Variants in MERTK observed in about 807,000 individuals in gnomAD.
The protein encoded by MERTK is MER proto-oncogene, tyrosine kinase.
Under a neutral mutation model 99.3 loss-of-function variants are expected in MERTK, and 69 were observed. That is an observed-to-expected ratio of 0.70 (90% CI 0.57 to 0.85). The LOEUF (loss-of-function observed/expected upper bound fraction) is 0.85. MERTK is among the 40% of genes least tolerant of loss of function. The pLI is 0.00. For missense variants in MERTK, 1,125 were observed against 1,249.4 expected (o/e 0.90, Z 1.50); for synonymous variants, 426 against 467.6 (o/e 0.91, Z 1.15).
chr2:111,908,858 G>C (rs546540517), intron 1 of MERTK, among the ~76,000 whole-genome samples: 20 of 152,238 alleles, frequency 1.3e-4, no homozygotes, highest in African/African-American at 4.8e-4. Flanking sequence ...AAGGGAAAAG[G>C]ACAAAAAGTC....
At chr2:112,021,315 T>C in intron 16 of MERTK, 107 bp from the exon 17 acceptor site, 2 of 1,513,030 alleles carry the variant, frequency 1.3e-6, no homozygotes, top group Non-Finnish European at 1.8e-6. Context: ...GGTGTCTCTG[T>C]GTTCTTTTGG....
rs1685113821 is a variant in MERTK at position 111,954,524 on chromosome 2, CT to C, written c.757+6958del. On this transcript the variant is annotated intron_variant, in intron 4 of 18. Coordinates refer to ENST00000295408, the MANE Select transcript of MERTK (RefSeq NM_006343.3). ...CAGCACAGTGCCTGGCACATAAGAA[CT>C]ATGTGAATGAATGAATGAACTAATG... Among the ~76,000 whole-genome samples the C allele has an allele frequency of 2.0e-5, 3 of 152,182 alleles. No homozygotes were observed. The South Asian group carries it at 6.2e-4, about 32-fold the overall frequency.
intron 7 of MERTK, among the ~76,000 whole-genome samples, chr2:111,981,905 T>C (rs4848918): frequency 0.62 from 93,974 of 151,940 alleles, 29,444 homozygotes; most frequent in Middle Eastern, 0.69. Context: ...GATCTCTAGC[T>C]GGCCATGTTA....
chr2:112,029,400 C>CCCAACT lies in MERTK; in HGVS notation c.*536_*537insCCAACT. On this transcript the variant is annotated 3_prime_UTR_variant, in exon 19 of 19. Coordinates refer to ENST00000295408, the MANE Select transcript of MERTK (RefSeq NM_006343.3). ...TTGAACTTACTTGAGACTTGAAAGA[C>CCCAACT]AGTGGTCGGCAGCGGCCTTGTGGCC... is the stretch of plus-strand genomic sequence containing the variant. The CCCAACT allele has an allele frequency of 1.1e-6, 1 of 903,398 alleles. No individual in the cohort carries two copies. Among genetic ancestry groups the CCCAACT allele is most frequent in the Admixed American group, 6.1e-5 (1 of 16,400 alleles). The allele number at this position is 903,398 out of a possible 1,614,324, so 56.0% of individuals were successfully genotyped here. A position where few individuals can be genotyped will look rare whatever the true frequency, so the allele number is the denominator to read the frequency against.
intron 1 of MERTK, among the ~76,000 whole-genome samples, chr2:111,904,335 T>G (rs1014490519): frequency 6.6e-6 from 1 of 152,090 alleles, no homozygotes; most frequent in African/African-American, 2.4e-5. Flanking sequence ...ATTTTTTGTG[T>G]TTGTTTTGTT....
At chr2:111,940,738 TTG>T (rs952416511) in intron 2 of MERTK, 2 of 872,210 alleles carry the variant, frequency 2.3e-6, no homozygotes, top group Admixed American at 3.5e-5. Context: ...TACTAAGTCC[TTG>T]TATTTTTCAG....
intron 14 of MERTK, chr2:112,008,734 T>C (rs777751070): frequency 1.1e-4 from 58 of 552,132 alleles, no homozygotes; most frequent in Non-Finnish European, 1.8e-4. Context: ...AGAGTGTGAA[T>C]TAAATTGTCC....
intron 1 of MERTK, among the ~76,000 whole-genome samples, chr2:111,916,142 G>T (rs757829277): frequency 1.3e-5 from 2 of 151,860 alleles, no homozygotes; most frequent in Non-Finnish European, 2.9e-5. Flanking sequence ...TTGAAACAGG[G>T]TCTCATTCTG....
intron 1 of MERTK, among the ~76,000 whole-genome samples, chr2:111,903,573 G>A (rs13006203): frequency 0.23 from 35,018 of 152,226 alleles, 4,347 homozygotes; most frequent in Middle Eastern, 0.37. Flanking sequence ...GGCCCTTGCC[G>A]TTAGTTTAAT....
chr2:111,911,786 T>A (rs1299613584), intron 1 of MERTK, among the ~76,000 whole-genome samples: 1 of 141,536 alleles, frequency 7.1e-6, no homozygotes, highest in Non-Finnish European at 1.5e-5. Context: ...ACTCCTGGGC[T>A]CAAGTGATCC....
chr2:112,020,880 AGATCAGAGC>A (rs1485349440), intron 16 of MERTK, among the ~76,000 whole-genome samples: 3 of 152,044 alleles, frequency 2.0e-5, no homozygotes, highest in Non-Finnish European at 4.4e-5. Context: ...CATCCCACAC[AGATCAGAGC>A]GATGCAAGAC....
At position 111,905,433 on chromosome 2, in the gene MERTK, C is replaced by CTTTTTT. The variant is rs61232340; in HGVS notation, c.61+6655_61+6660dup. ...ATTTCATTGAGAAACCTACACTGTT[C>CTTTTTT]TTTTTTTTTTTTTTTTTTTTTTTGA... On this transcript the variant is annotated intron_variant, in intron 1 of 18. Transcript: ENST00000295408. 5.0e-3 allele frequency among the ~76,000 whole-genome samples: 422 copies of CTTTTTT among 85,188 alleles called. 5 individuals carry two copies. Among genetic ancestry groups the CTTTTTT allele is most frequent in the Middle Eastern group, 0.016 (1 of 64 alleles). The allele number at this position is 85,188 out of a possible 152,430, so 55.9% of individuals were successfully genotyped here.
chr2:111,938,602 G>T (rs1684805614), intron 2 of MERTK, among the ~76,000 whole-genome samples: 1 of 152,166 alleles, frequency 6.6e-6, no homozygotes. Context: ...ATGGGTTTCT[G>T]CAGCTGCTGG....
intron 4 of MERTK, among the ~76,000 whole-genome samples, chr2:111,950,548 G>A (rs1053020477): frequency 3.9e-5 from 6 of 152,186 alleles, no homozygotes; most frequent in Non-Finnish European, 7.3e-5. Flanking sequence ...TCATCGATAT[G>A]TTTACCAACA....
intron 1 of MERTK, among the ~76,000 whole-genome samples, chr2:111,913,230 T>A (rs1652276209): frequency 6.6e-6 from 1 of 152,236 alleles, no homozygotes; most frequent in Non-Finnish European, 1.5e-5. Flanking sequence ...TTGGGGAGAA[T>A]TGATATTTTT....
chr2:111,994,449 G>A (rs750270725), intron 9 of MERTK, 45 bp downstream of exon 9: 1 of 1,612,342 alleles, frequency 6.2e-7, no homozygotes, highest in Non-Finnish European at 8.5e-7. Flanking sequence ...TGATGGTCCA[G>A]GCAGTGCACA....
chr2:111,901,755 A>G (rs1357493565), intron 1 of MERTK, among the ~76,000 whole-genome samples: 1 of 151,170 alleles, frequency 6.6e-6, no homozygotes, highest in African/African-American at 2.4e-5. Flanking sequence ...GGATCTCACT[A>G]TGTTGCCCAG....
intron 1 of MERTK, among the ~76,000 whole-genome samples, chr2:111,928,404 GT>G (rs1160607069): frequency 8.2e-4 from 116 of 140,634 alleles, no homozygotes; most frequent in South Asian, 3.2e-3. Context: ...TTTTGGGGTG[GT>G]TTTTTTTTTT....
chr2:111,970,212 A>G (rs1466816688), intron 6 of MERTK, among the ~76,000 whole-genome samples: 1 of 151,062 alleles, frequency 6.6e-6, no homozygotes, highest in Admixed American at 6.6e-5. Context: ...GCTGGAGTGC[A>G]GTGGTGTGAT....
Sources: allele counts gnomAD v4.1 joint callset (sites outside exome capture counted in the v4.1 genomes callset), GRCh38; gene constraint gnomAD v4.1.1; transcripts MANE v1.5; gene names NCBI Gene and HGNC (gene_info 2026-07-23, HGNC 2026-07-21).